The following COL4A2 variants were observed in gnomAD, a reference collection of about 807,000 sequenced individuals.
The protein encoded by COL4A2 is collagen type IV alpha 2 chain.
Under a neutral mutation model 200.2 loss-of-function variants are expected in COL4A2, and 99 were observed. That is an observed-to-expected ratio of 0.49 (90% CI 0.42 to 0.58). The LOEUF (loss-of-function observed/expected upper bound fraction) is 0.58, where lower values mean the gene tolerates loss of function less well. COL4A2 is among the 20% of genes least tolerant of loss of function. The probability of loss-of-function intolerance (pLI) is 0.00; values close to 1 mark genes in which losing one functional copy is unlikely to be tolerated. For synonymous variants in COL4A2, 897 were observed against 900.6 expected (o/e 1.00, Z 0.07); for missense variants, 1,950 against 2,314.1 (o/e 0.84, Z 3.23).
intron 3 of COL4A2, among the ~76,000 whole-genome samples, chr13:110,310,868 T>C (rs763960997): frequency 2.0e-5 from 3 of 152,198 alleles, no homozygotes; most frequent in Non-Finnish European, 2.9e-5. Flanking sequence ...TAGGTAACTA[T>C]TATTACCCCC....
chr13:110,473,294 C>T, intron 29 of COL4A2, 144 bp downstream of exon 29: 1 of 695,250 alleles, frequency 1.4e-6, no homozygotes, highest in Non-Finnish European at 2.3e-6. Context: ...CATGGCCTTC[C>T]AGCACTCCTT....
At chr13:110,347,881 T>C (rs1267365685) in intron 3 of COL4A2, among the ~76,000 whole-genome samples, 1 of 152,240 alleles carries the variant, frequency 6.6e-6, no homozygotes, top group African/African-American at 2.4e-5. Context: ...ACACGGGGCT[T>C]GTTGCCGATG....
At chr13:110,309,753 C>T (rs566665642) in intron 3 of COL4A2, among the ~76,000 whole-genome samples, 24 of 144,760 alleles carry the variant, frequency 1.7e-4, no homozygotes, top group Admixed American at 1.0e-3. Flanking sequence ...TTTGGGAGGC[C>T]GCGGCCTGTG....
At chr13:110,414,262 C>T (rs904846014) in intron 4 of COL4A2, among the ~76,000 whole-genome samples, 2 of 152,172 alleles carry the variant, frequency 1.3e-5, no homozygotes, top group African/African-American at 4.8e-5. Context: ...TGAGACATGC[C>T]TCTCTCAAAC....
chr13:110,309,597 C>T (rs1031993826), intron 3 of COL4A2, among the ~76,000 whole-genome samples: 13 of 152,306 alleles, frequency 8.5e-5, no homozygotes, highest in African/African-American at 3.1e-4. Flanking sequence ...TTATAATTTC[C>T]ATATGTTCAT....
chr13:110,485,488 A>G (rs542775471), intron 33 of COL4A2, among the ~76,000 whole-genome samples, 167 bp from the exon 34 acceptor site: 1 of 138,440 alleles, frequency 7.2e-6, no homozygotes. Context: ...GCGCCACTGC[A>G]CTCCAGCCTG....
intron 16 of COL4A2, among the ~76,000 whole-genome samples, chr13:110,441,062 C>T (rs1300836212): frequency 1.3e-5 from 2 of 152,240 alleles, no homozygotes; most frequent in Non-Finnish European, 2.9e-5. Context: ...ATGCAGTCAC[C>T]TCGGTGGTAC....
In COL4A2 at chr13:110,504,289, T is replaced by C. The variant is rs745497504; in HGVS notation, c.4402+25T>C. The C allele has an allele frequency of 7.8e-6, 12 of 1,545,306 alleles. No individual in the cohort carries two copies. The African/African-American group carries it at 1.5e-4, about 19-fold the overall frequency. ...GGTGAGTGACAGTGGGGAAGGACCT[T>C]CCCAGGTCCTAGTGCTCTGGATCTG... On this transcript the variant is annotated intron_variant, in intron 45 of 47. Coordinates refer to ENST00000360467, the MANE Select transcript of COL4A2 (RefSeq NM_001846.4).
At chr13:110,449,215 G>A (rs139045554) in intron 18 of COL4A2, among the ~76,000 whole-genome samples, 27 of 152,322 alleles carry the variant, frequency 1.8e-4, no homozygotes, top group African/African-American at 4.8e-4. Flanking sequence ...ACAGTAAAGC[G>A]TTGCTATTTA....
Position 110,360,320 on chromosome 13 carries a change from A to G in COL4A2, c.180+2768A>G, listed in dbSNP as rs527277055. Reference sequence around the variant, plus strand: ...ACCGGATCTGTTCTTTTCACTTTCTATGATTATTTAATGCAGAATCAACAT... The same window carrying G: ...ACCGGATCTGTTCTTTTCACTTTCTGTGATTATTTAATGCAGAATCAACAT... On this transcript the variant is annotated intron_variant, in intron 4 of 47. Transcript: ENST00000360467. 4.6e-5 allele frequency among the ~76,000 whole-genome samples: 7 copies of G among 152,364 alleles called. No homozygotes were observed. The South Asian group carries it at 1.2e-3, about 27-fold the overall frequency.
intron 26 of COL4A2, 57 bp from the exon 27 acceptor site, chr13:110,466,983 C>T (rs867466416): frequency 9.3e-6 from 15 of 1,611,160 alleles, no homozygotes; most frequent in African/African-American, 1.3e-5. Context: ...TCCCCAAGGC[C>T]GTGGGACTCA....
intron 3 of COL4A2, among the ~76,000 whole-genome samples, chr13:110,328,728 C>T (rs970109786): frequency 2.6e-5 from 4 of 152,282 alleles, no homozygotes; most frequent in Admixed American, 6.5e-5. Flanking sequence ...AGAGAGATGA[C>T]GCCCAGAGAG....
chr13:110,445,759 A>G (rs192863542), intron 16 of COL4A2, 70 bp from the exon 17 acceptor site: 1 of 1,550,534 alleles, frequency 6.4e-7, no homozygotes, highest in Non-Finnish European at 8.9e-7. Context: ...AGATATAATA[A>G]TGCCATTGCA....
chr13:110,512,302 A>G lies in COL4A2; in HGVS notation c.*111A>G. 4 of 1,433,704 alleles carry G rather than the reference A, an allele frequency of 2.8e-6. No homozygotes were observed. The highest frequency in any genetic ancestry group is 2.5e-5 in the East Asian group (1 of 40,010). 88.8% of individuals were successfully genotyped at this position (1,433,704 alleles called of 1,614,324 possible). A position where few individuals can be genotyped will look rare whatever the true frequency, so the allele number is the denominator to read the frequency against. ...TTCTTAAAAAAAAAAAAGTCTACCA[A>G]AGGAATTTGCATCCAGCAGCAGCAC... On this transcript the variant is annotated 3_prime_UTR_variant, in exon 48 of 48. Coordinates refer to ENST00000360467, the MANE Select transcript of COL4A2 (RefSeq NM_001846.4).
At chr13:110,495,258 C>A in intron 39 of COL4A2, 84 bp from the exon 40 acceptor site, 1 of 1,534,280 alleles carries the variant, frequency 6.5e-7, no homozygotes, top group Non-Finnish European at 9.0e-7. Flanking sequence ...GCTTTTGAGG[C>A]ACCCCAAGCT....
At chr13:110,343,413 G>A (rs1876550540) in intron 3 of COL4A2, among the ~76,000 whole-genome samples, 3 of 152,172 alleles carry the variant, frequency 2.0e-5, no homozygotes, top group African/African-American at 7.2e-5. Flanking sequence ...CACAGCAAAG[G>A]CATCCTCGAT....
chr13:110,412,544 A>T (rs1879882793), intron 4 of COL4A2, among the ~76,000 whole-genome samples: 1 of 152,220 alleles, frequency 6.6e-6, no homozygotes, highest in African/African-American at 2.4e-5. Context: ...TTGAAATCTG[A>T]TTTTAAAACA....
chr13:110,453,218 C>T (rs1458743094), intron 20 of COL4A2, among the ~76,000 whole-genome samples: 1 of 152,086 alleles, frequency 6.6e-6, no homozygotes, highest in Admixed American at 6.5e-5. Flanking sequence ...TCCACTTTAA[C>T]GGCCAGGCAT....
rs755521884 is a variant in COL4A2 at position 110,457,443 on chromosome 13, C to CATCTGGGAG, written c.1432+9_1432+17dup. 2.0e-6 allele frequency: 3 copies of CATCTGGGAG among 1,538,190 alleles called. No homozygotes were observed. The highest frequency in any genetic ancestry group is 4.5e-5 in the East Asian group (2 of 44,546). On this transcript the variant is annotated intron_variant, in intron 21 of 47. Transcript: ENST00000360467. ...GACCAAAGGGGTGGAAAGGTAAGAA[C>CATCTGGGAG]ATCTGGGAGGGACGGGATGAGGACA...
Sources: gnomAD v4.1 joint callset for allele counts (sites outside exome capture counted in the v4.1 genomes callset) on GRCh38, gnomAD v4.1.1 for gene constraint, MANE v1.5 for transcripts, NCBI Gene and HGNC (gene_info 2026-07-23, HGNC 2026-07-21) for gene names.